RPAP2: variants seen among roughly 807,000 people sequenced by gnomAD.
RPAP2 encodes RNA polymerase II associated protein 2, also known as putative RNA polymerase II subunit B1 CTD phosphatase RPAP2.
RPAP2 carries 52 observed loss-of-function variants against 73.1 expected under a neutral mutation model. The ratio of observed to expected loss-of-function variants is 0.71; its 90% confidence interval spans 0.57 to 0.90. RPAP2 has a LOEUF of 0.90. Among genes scored for constraint, RPAP2 ranks in the 40% least tolerant of loss-of-function variants. The pLI, the probability that RPAP2 is intolerant of heterozygous loss-of-function variation, is 0.00. For synonymous variants in RPAP2, 225 were observed against 242.1 expected, an observed-to-expected ratio of 0.93 and a Z score of 0.65; for missense variants, 598 against 701.8, an observed-to-expected ratio of 0.85 and a Z score of 1.67.
chr1:92,376,306 T>C (rs1655384934), intron 11 of RPAP2, among the ~76,000 whole-genome samples: 1 of 152,152 alleles, frequency 6.6e-6, no homozygotes, highest in South Asian at 2.1e-4. Context: ...GACTATATTA[T>C]ATAGATCTAT....
chr1:92,384,155 A>G (rs1655766724), intron 12 of RPAP2, among the ~76,000 whole-genome samples: 1 of 151,034 alleles, frequency 6.6e-6, no homozygotes, highest in Non-Finnish European at 1.5e-5. Flanking sequence ...ATGGGGTTTC[A>G]CCATGTTGGC....
intron 11 of RPAP2, among the ~76,000 whole-genome samples, chr1:92,380,261 G>A (rs1655571151): frequency 6.7e-6 from 1 of 149,930 alleles, no homozygotes; most frequent in East Asian, 1.9e-4. Context: ...CTAGATGACA[G>A]AAGCGAGACT....
intron 6 of RPAP2, among the ~76,000 whole-genome samples, chr1:92,317,069 T>C (rs1651948811): frequency 6.6e-6 from 1 of 152,164 alleles, no homozygotes; most frequent in Non-Finnish European, 1.5e-5. Context: ...CTTGCAACTT[T>C]TTTGGGTCTT....
At chr1:92,381,750 A>T (rs1557634585) in intron 12 of RPAP2, among the ~76,000 whole-genome samples, 1 of 151,192 alleles carries the variant, frequency 6.6e-6, no homozygotes, top group Non-Finnish European at 1.5e-5. Context: ...GATGTCTGTC[A>T]TTTATTTTAT....
intron 10 of RPAP2, among the ~76,000 whole-genome samples, chr1:92,345,400 A>AG (rs1460743819): frequency 7.2e-5 from 10 of 138,318 alleles, no homozygotes; most frequent in African/African-American, 2.1e-4. Flanking sequence ...AAAAAAAAAA[A>AG]AGAGAGAGAG....
chr1:92,344,195 A>G (rs1298921041), intron 10 of RPAP2, among the ~76,000 whole-genome samples: 1 of 152,160 alleles, frequency 6.6e-6, no homozygotes, highest in African/African-American at 2.4e-5. Context: ...GGATCACTTG[A>G]GGCCAGGAGT....
chr1:92,323,495 CA>C lies in RPAP2; in HGVS notation c.576del (p.Asp193IlefsTer55). ...VQLCSKAIKT[S>X]DIDNPSHFEK... ...TTATGCAGTAAAGCCATTAAAACAT[CA>C]GATATCGACAATCCTAGCCACTTTG... On this transcript the variant is annotated frameshift_variant, in exon 8 of 13. Coordinates refer to ENST00000610020, the MANE Select transcript of RPAP2 (RefSeq NM_024813.3). LOFTEE classifies it high-confidence loss of function. The C allele has an allele frequency of 6.2e-7, 1 of 1,613,156 alleles. No homozygotes were observed. Among genetic ancestry groups the C allele is most frequent in the Non-Finnish European group, 8.5e-7 (1 of 1,179,504 alleles).
chr1:92,350,079 A>G (rs2101331850), intron 11 of RPAP2, among the ~76,000 whole-genome samples: 1 of 152,298 alleles, frequency 6.6e-6, no homozygotes, highest in South Asian at 2.1e-4. Flanking sequence ...ATACACCATG[A>G]CCCATTCCCA....
chr1:92,339,073 T>C (rs1421823848), intron 10 of RPAP2, among the ~76,000 whole-genome samples: 1 of 152,216 alleles, frequency 6.6e-6, no homozygotes, highest in East Asian at 1.9e-4. Context: ...TTATGTAGAA[T>C]AGGTTAACTA....
intron 6 of RPAP2, among the ~76,000 whole-genome samples, chr1:92,311,639 G>T (rs1651600250): frequency 6.6e-6 from 1 of 152,060 alleles, no homozygotes; most frequent in East Asian, 1.9e-4. Flanking sequence ...GACCTAATTT[G>T]GTCTTTCTTA....
intron 11 of RPAP2, chr1:92,363,800 G>T (rs772984183): frequency 1.1e-5 from 3 of 273,798 alleles, no homozygotes; most frequent in Non-Finnish European, 2.2e-5. Flanking sequence ...TTTATGATTT[G>T]CTTAACATTT....
At chr1:92,309,536 CACACATACACAT>C (rs55988882) in intron 6 of RPAP2, among the ~76,000 whole-genome samples, 12,062 of 150,954 alleles carry the variant, frequency 0.08, 756 homozygotes, top group African/African-American at 0.18. Flanking sequence ...TGGCAGGCTA[CACACATACACAT>C]ACACATACAC....
At chr1:92,367,565 C>A (rs1654980989) in intron 11 of RPAP2, among the ~76,000 whole-genome samples, 1 of 152,206 alleles carries the variant, frequency 6.6e-6, no homozygotes, top group Non-Finnish European at 1.5e-5. Flanking sequence ...CCAATGTTAT[C>A]TTTTAGCAGT....
At chr1:92,352,647 A>G (rs187094419) in intron 11 of RPAP2, among the ~76,000 whole-genome samples, 20 of 152,290 alleles carry the variant, frequency 1.3e-4, no homozygotes, top group Non-Finnish European at 2.6e-4. Context: ...TTTCCTTACA[A>G]CTATGGAATT....
intron 11 of RPAP2, among the ~76,000 whole-genome samples, chr1:92,368,858 C>A (rs1225242048): frequency 6.6e-6 from 1 of 152,144 alleles, no homozygotes; most frequent in Non-Finnish European, 1.5e-5. Flanking sequence ...TGACACTTGG[C>A]TTTTTGCTTT....
intron 6 of RPAP2, among the ~76,000 whole-genome samples, chr1:92,313,212 G>T (rs1651699945): frequency 6.6e-6 from 1 of 152,122 alleles, no homozygotes; most frequent in South Asian, 2.1e-4. Context: ...CTTTCGTGAA[G>T]GATTTCTATT....
chr1:92,339,957 G>A (rs781497772), intron 10 of RPAP2, among the ~76,000 whole-genome samples: 2 of 152,148 alleles, frequency 1.3e-5, no homozygotes, highest in Non-Finnish European at 2.9e-5. Flanking sequence ...TGAATATGGG[G>A]TTGTACAGAA....
At chr1:92,380,294 A>C (rs1274227881) in intron 11 of RPAP2, among the ~76,000 whole-genome samples, 1 of 152,008 alleles carries the variant, frequency 6.6e-6, no homozygotes, top group Admixed American at 6.6e-5. Context: ...AAAAAAAACA[A>C]ATAAAATTTC....
At chr1:92,371,564 T>A (rs758150644) in intron 11 of RPAP2, among the ~76,000 whole-genome samples, 18 of 151,728 alleles carry the variant, frequency 1.2e-4, no homozygotes, top group Non-Finnish European at 2.4e-4. Context: ...AAAGAAAATA[T>A]GGTATATATA....
Sources: allele counts gnomAD v4.1 joint callset (sites outside exome capture counted in the v4.1 genomes callset), GRCh38; gene constraint gnomAD v4.1.1; transcripts MANE v1.5; gene names NCBI Gene and HGNC (gene_info 2026-07-23, HGNC 2026-07-21).